Variants in RIPOR2 observed in about 807,000 individuals in gnomAD.
RIPOR2 encodes the protein RHO family interacting cell polarization regulator 2, also known as rho family-interacting cell polarization regulator 2.
In RIPOR2, 39 loss-of-function variants were observed where a neutral mutation model predicts 114.5. The ratio of observed to expected loss-of-function variants is 0.34; its 90% CI spans 0.26 to 0.44. The LOEUF is 0.44. RIPOR2 is among the 20% of genes least tolerant of loss of function. The pLI is 1.00. For missense variants in RIPOR2, 1,007 were observed against 1,255.1 expected, an observed-to-expected ratio of 0.80 and a Z score of 2.99; for synonymous variants, 445 against 484.4, an observed-to-expected ratio of 0.92 and a Z score of 1.07.
At chr6:24,852,452 A>G in intron 9 of RIPOR2, 123 bp downstream of exon 9, 1 of 782,570 alleles carries the variant, frequency 1.3e-6, no homozygotes, top group East Asian at 2.7e-5. Context: ...TTGGCTTAAA[A>G]TGTTTTTCAA....
intron 1 of RIPOR2, chr6:25,024,068 T>G: frequency 1.3e-6 from 1 of 766,392 alleles, no homozygotes; most frequent in East Asian, 2.5e-5. Flanking sequence ...CAGGGAGCAG[T>G]GCCCTTTATC....
chr6:25,021,763 C>A (rs1480388730), intron 1 of RIPOR2, among the ~76,000 whole-genome samples: 2 of 152,140 alleles, frequency 1.3e-5, no homozygotes, highest in Non-Finnish European at 2.9e-5. Flanking sequence ...TAAATCCCAC[C>A]TGTTCCCAAA....
chr6:24,881,365 C>T (rs1581697891), intron 1 of RIPOR2, among the ~76,000 whole-genome samples: 1 of 152,154 alleles, frequency 6.6e-6, no homozygotes, highest in Non-Finnish European at 1.5e-5. Context: ...AGTGTGGCTG[C>T]TATGGTTTGC....
At chr6:24,901,261 A>G (rs561828625) in intron 1 of RIPOR2, among the ~76,000 whole-genome samples, 1 of 152,318 alleles carries the variant, frequency 6.6e-6, no homozygotes, top group Non-Finnish European at 1.5e-5. Flanking sequence ...ATTACTGTAT[A>G]TTCACATTTA....
chr6:24,898,233 A>G (rs1768079904), intron 1 of RIPOR2, among the ~76,000 whole-genome samples: 2 of 152,144 alleles, frequency 1.3e-5, no homozygotes, highest in Non-Finnish European at 2.9e-5. Context: ...TTGTGTTTTT[A>G]TACTTTGCTG....
intron 11 of RIPOR2, 44 bp from the exon 12 acceptor site, chr6:24,848,198 A>T (rs760567843): frequency 2.5e-6 from 4 of 1,603,508 alleles, no homozygotes; most frequent in Non-Finnish European, 3.4e-6. Flanking sequence ...TGGCAAAATC[A>T]CCTATCATCA....
intron 20 of RIPOR2, among the ~76,000 whole-genome samples, chr6:24,811,479 C>T (rs1207274422): frequency 6.6e-6 from 1 of 151,562 alleles, no homozygotes; most frequent in African/African-American, 2.4e-5. Flanking sequence ...TCAAGTGATA[C>T]GCCTGCCTCA....
At chr6:24,942,573 T>C (rs1772192462) in intron 1 of RIPOR2, among the ~76,000 whole-genome samples, 1 of 152,190 alleles carries the variant, frequency 6.6e-6, no homozygotes, top group Non-Finnish European at 1.5e-5. Context: ...CTCCAGCACC[T>C]GTTGTTTCCT....
At chr6:24,934,857 C>T (rs1161162830) in intron 1 of RIPOR2, among the ~76,000 whole-genome samples, 1 of 152,072 alleles carries the variant, frequency 6.6e-6, no homozygotes, top group African/African-American at 2.4e-5. Context: ...GTGGATAGGT[C>T]AAGTCATGGA....
At chr6:25,013,269 A>G (rs1775846624) in intron 1 of RIPOR2, among the ~76,000 whole-genome samples, 1 of 152,162 alleles carries the variant, frequency 6.6e-6, no homozygotes, top group South Asian at 2.1e-4. Context: ...CTGAAAGGTC[A>G]GTGATTTTTT....
chr6:25,041,454 T>C (rs777480876), intron 1 of RIPOR2, among the ~76,000 whole-genome samples: 1 of 152,262 alleles, frequency 6.6e-6, no homozygotes, highest in Admixed American at 6.5e-5. Flanking sequence ...GCGACACTGC[T>C]GATAACCTGT....
chr6:24,964,706 A>T (rs1279217979), intron 1 of RIPOR2, among the ~76,000 whole-genome samples: 1 of 152,216 alleles, frequency 6.6e-6, no homozygotes, highest in Non-Finnish European at 1.5e-5. Context: ...TTTTGAGGAA[A>T]TGCCAAACTA....
At chr6:25,020,651 G>C (rs1342855888) in intron 1 of RIPOR2, among the ~76,000 whole-genome samples, 1 of 152,080 alleles carries the variant, frequency 6.6e-6, no homozygotes, top group East Asian at 1.9e-4. Context: ...AAAACCTCTA[G>C]TCCAAACCAT....
At chr6:24,809,097 C>T (rs1447551425) in intron 21 of RIPOR2, among the ~76,000 whole-genome samples, 3 of 152,078 alleles carry the variant, frequency 2.0e-5, no homozygotes, top group African/African-American at 7.2e-5. Context: ...AAAGGCTTTC[C>T]CCACCCTCCC....
chr6:24,950,713 C>T (rs1772703847), intron 1 of RIPOR2, among the ~76,000 whole-genome samples: 1 of 152,196 alleles, frequency 6.6e-6, no homozygotes, highest in African/African-American at 2.4e-5. Context: ...AAAGTTCTTA[C>T]AGGGATGACT....
At chr6:24,830,440 C>CT in intron 17 of RIPOR2, 69 bp downstream of exon 17, 1 of 1,380,586 alleles carries the variant, frequency 7.2e-7, no homozygotes, top group Non-Finnish European at 9.9e-7. Context: ...CCCCTCTCCC[C>CT]CGACCCCCAC....
intron 1 of RIPOR2, among the ~76,000 whole-genome samples, chr6:24,900,345 G>A (rs1269364655): frequency 6.6e-6 from 1 of 152,112 alleles, no homozygotes; most frequent in South Asian, 2.1e-4. Context: ...ATTACCTCAG[G>A]GTGTTGTGAG....
At chr6:24,963,969 G>A (rs984772446) in intron 1 of RIPOR2, among the ~76,000 whole-genome samples, 3 of 152,012 alleles carry the variant, frequency 2.0e-5, no homozygotes, top group African/African-American at 7.2e-5. Context: ...GGCTGGTCTC[G>A]AATTCCTGGA....
intron 1 of RIPOR2, among the ~76,000 whole-genome samples, chr6:24,988,569 A>G (rs1446126825): frequency 6.6e-6 from 1 of 152,256 alleles, no homozygotes; most frequent in Non-Finnish European, 1.5e-5. Context: ...TCAAATAAAT[A>G]TCTTATAAAA....
Sources: gnomAD v4.1 joint callset for allele counts (sites outside exome capture counted in the v4.1 genomes callset) on GRCh38, gnomAD v4.1.1 for gene constraint, MANE v1.5 for transcripts, NCBI Gene and HGNC (gene_info 2026-07-23, HGNC 2026-07-21) for gene names.